Variants in TEX11 observed in about 807,000 individuals in gnomAD.
TEX11 encodes the protein testis expressed 11.
A neutral mutation model predicts 84.4 loss-of-function variants in TEX11; 7 were observed. The ratio of observed to expected loss-of-function variants is 0.08; its 90% confidence interval spans 0.05 to 0.16. The LOEUF (loss-of-function observed/expected upper bound fraction) is 0.16. TEX11 is among the 10% of genes least tolerant of loss of function. TEX11 has a pLI of 1.00. For synonymous variants in TEX11, 264 were observed against 222.8 expected (o/e 1.18, Z -1.64); for missense variants, 551 against 660.5 (o/e 0.83, Z 1.82).
intron 9 of TEX11, among the ~76,000 whole-genome samples, chrX:70,775,103 T>C (rs1307720629): frequency 1.8e-5 from 2 of 111,949 alleles, no homozygotes; most frequent in African/African-American, 6.5e-5. Context: ...ATTGGTCTCT[T>C]CAATAAATGG....
At chrX:70,537,011 G>A (rs2087968440) in intron 28 of TEX11, among the ~76,000 whole-genome samples, 1 of 111,732 alleles carries the variant, frequency 8.9e-6, no homozygotes, top group South Asian at 3.7e-4. Flanking sequence ...TAAAAATGAT[G>A]GACAGGCAGT....
intron 9 of TEX11, among the ~76,000 whole-genome samples, chrX:70,800,697 T>C (rs1397350819): frequency 3.1e-5 from 3 of 96,368 alleles, no homozygotes; most frequent in Admixed American, 1.1e-4. Context: ...CTTTTTTTTT[T>C]TTTTTTTTTT....
intron 9 of TEX11, among the ~76,000 whole-genome samples, chrX:70,783,976 T>C (rs1261882429): frequency 9.0e-6 from 1 of 111,603 alleles, no homozygotes; most frequent in Non-Finnish European, 1.9e-5. Context: ...TCTCATTTTA[T>C]GAGGTCAGCA....
intron 27 of TEX11, among the ~76,000 whole-genome samples, chrX:70,552,875 A>C (rs1179045841): frequency 1.8e-5 from 2 of 111,589 alleles, no homozygotes; most frequent in Admixed American, 1.9e-4. Flanking sequence ...GAATCATTTG[A>C]GCCCAGGAGT....
rs768009343 is a variant in TEX11, at chrX:70,818,283, C to A, written c.607-11493G>T. ...CACCACTGCACTCCAGTCTGGGTGA[C>A]AAGGTGAGACCCTGTCTTGAAAAAA... On this transcript the variant is annotated intron_variant, in intron 8 of 29. Coordinates refer to ENST00000374333, the MANE Select transcript of TEX11 (RefSeq NM_031276.3). 5.0e-5 allele frequency among the ~76,000 whole-genome samples: 5 copies of A among 100,792 alleles called. No individual in the cohort carries two copies. In the East Asian group the frequency reaches 1.6e-3, roughly 32 times the overall value. The allele number at this position is 100,792 out of a possible 115,157, so 87.5% of individuals were successfully genotyped here.
At chrX:70,838,664 C>T (rs775433917) in intron 7 of TEX11, among the ~76,000 whole-genome samples, 30 of 111,987 alleles carry the variant, frequency 2.7e-4, no homozygotes, top group African/African-American at 7.4e-4. Flanking sequence ...GCAAACTGTG[C>T]GCAAGCCAAA....
the TEX11 span, among the ~76,000 whole-genome samples, chrX:70,515,413 T>C: frequency 9.0e-6 from 1 of 111,167 alleles, no homozygotes; most frequent in African/African-American, 3.3e-5. Flanking sequence ...GAATGATGGT[T>C]TCTAGCTTCA....
chrX:70,668,027 G>A (rs1036119924), intron 16 of TEX11, among the ~76,000 whole-genome samples: 6 of 112,028 alleles, frequency 5.4e-5, no homozygotes, highest in African/African-American at 1.9e-4. Context: ...CTTTCTCGTA[G>A]GTAAGAGAAA....
At chrX:70,688,580 T>G (rs1330264405) in intron 13 of TEX11, among the ~76,000 whole-genome samples, 1 of 107,155 alleles carries the variant, frequency 9.3e-6, no homozygotes, top group African/African-American at 3.4e-5. Flanking sequence ...AAATAGAGAG[T>G]GAAAAGATGT....
intron 8 of TEX11, among the ~76,000 whole-genome samples, chrX:70,824,257 C>A (rs1188925910): frequency 8.9e-6 from 1 of 111,882 alleles, no homozygotes; most frequent in African/African-American, 3.2e-5. Flanking sequence ...ATCCCCTGGC[C>A]TAAACTTAAT....
intron 9 of TEX11, among the ~76,000 whole-genome samples, chrX:70,752,053 G>C (rs1013910136): frequency 3.5e-4 from 39 of 111,971 alleles, no homozygotes; most frequent in African/African-American, 1.2e-3. Flanking sequence ...AATTACACCA[G>C]ATGGTAGTTC....
chrX:70,712,099 T>C (rs1569413969), intron 13 of TEX11, among the ~76,000 whole-genome samples: 1 of 111,655 alleles, frequency 9.0e-6, no homozygotes, highest in Admixed American at 9.5e-5. Context: ...CAGATAGTTG[T>C]AGATATGTGG....
At chrX:70,716,555 G>A (rs908230987) in intron 13 of TEX11, among the ~76,000 whole-genome samples, 1 of 112,434 alleles carries the variant, frequency 8.9e-6, no homozygotes, top group African/African-American at 3.2e-5. Flanking sequence ...TGCTAGCAAT[G>A]AGCGAGGCTC....
intron 2 of TEX11, among the ~76,000 whole-genome samples, chrX:70,892,606 G>A (rs752330848): frequency 7.3e-5 from 8 of 110,343 alleles, no homozygotes; most frequent in South Asian, 3.9e-4. Flanking sequence ...GGTGGCACAC[G>A]TCTGTAATCC....
At chrX:70,776,234 G>C (rs756451964) in intron 9 of TEX11, among the ~76,000 whole-genome samples, 72 of 110,867 alleles carry the variant, frequency 6.5e-4, no homozygotes, top group African/African-American at 2.3e-3. Context: ...CAGATGAATG[G>C]ATGAAGAAAA....
intron 7 of TEX11, among the ~76,000 whole-genome samples, chrX:70,847,396 C>T (rs1299328027): frequency 9.0e-6 from 1 of 110,864 alleles, no homozygotes. Flanking sequence ...GCGTTTATTC[C>T]GACCTCATTT....
At chrX:70,715,372 A>G (rs937090370) in intron 13 of TEX11, among the ~76,000 whole-genome samples, 2 of 111,588 alleles carry the variant, frequency 1.8e-5, no homozygotes, top group Admixed American at 9.5e-5. Context: ...CTCCTGGATA[A>G]TATCCTGCAG....
chrX:70,650,621 C>A (rs913198073), intron 17 of TEX11, among the ~76,000 whole-genome samples: 10 of 111,645 alleles, frequency 9.0e-5, no homozygotes, highest in Non-Finnish European at 1.9e-4. Context: ...TGGAACATTT[C>A]TTTTTTAATG....
At chrX:70,787,932 C>CA (rs1471249152) in intron 9 of TEX11, among the ~76,000 whole-genome samples, 3 of 108,947 alleles carry the variant, frequency 2.8e-5, no homozygotes, top group Non-Finnish European at 3.8e-5. Flanking sequence ...ATAATAGCTA[C>CA]AAAAAAATCC....
Sources: allele counts gnomAD v4.1 joint callset (sites outside exome capture counted in the v4.1 genomes callset), GRCh38; gene constraint gnomAD v4.1.1; transcripts MANE v1.5; gene names NCBI Gene and HGNC (gene_info 2026-07-23, HGNC 2026-07-21).